Variants in DUSP22 observed in about 807,000 individuals in gnomAD.
DUSP22 encodes dual specificity protein phosphatase 22.
A neutral mutation model predicts 24.5 loss-of-function variants in DUSP22; 24 were observed. The observed-to-expected ratio is 0.98, with a 90% CI of 0.71 to 1.38. The LOEUF is 1.38. DUSP22 is among the 40% of genes most tolerant of loss of function. DUSP22 has a pLI of 0.00. For synonymous variants in DUSP22, 160 were observed against 106.4 expected (o/e 1.50, Z -3.10); for missense variants, 330 against 269.2 (o/e 1.23, Z -1.58).
At chr6:330,178 A>G (rs1356727657) in intron 3 of DUSP22, among the ~76,000 whole-genome samples, 3 of 152,302 alleles carry the variant, frequency 2.0e-5, no homozygotes, top group Non-Finnish European at 4.4e-5. Context: ...ACAGGCTGAG[A>G]TGAGAAACCG....
chr6:326,792 A>C (rs1265586754), intron 3 of DUSP22, among the ~76,000 whole-genome samples: 13 of 152,300 alleles, frequency 8.5e-5, no homozygotes, highest in Admixed American at 7.2e-4. Context: ...CCCTCTCTGC[A>C]TCAGAGCAAA....
chr6:349,883 CCCT>C lies in DUSP22; in HGVS notation c.*937_*939del. The C allele has an allele frequency of 1.0e-6, 1 of 986,046 alleles. No individual in the cohort carries two copies. The highest frequency in any genetic ancestry group is 1.2e-6 in the Non-Finnish European group (1 of 830,370). The allele number at this position is 986,046 out of a possible 1,614,324, so 61.1% of individuals were successfully genotyped here. A position where few individuals can be genotyped will look rare whatever the true frequency, so the allele number is the denominator to read the frequency against. ...CCTAAGTTGGGTGCCCCAGGGCACC[CCCT>C]CCTCTCTGCTCCTTGCCAGCTTCAT... On this transcript the variant is annotated 3_prime_UTR_variant, in exon 7 of 7. Coordinates refer to ENST00000419235, the MANE Select transcript of DUSP22 (RefSeq NM_001286555.3).
At chr6:327,178 G>T (rs1310276337) in intron 3 of DUSP22, among the ~76,000 whole-genome samples, 1 of 152,308 alleles carries the variant, frequency 6.6e-6, no homozygotes, top group African/African-American at 2.4e-5. Flanking sequence ...GCTTCCAGGA[G>T]CCCAGCCAGG....
At chr6:323,889 A>G (rs1160589177) in intron 3 of DUSP22, among the ~76,000 whole-genome samples, 13 of 152,310 alleles carry the variant, frequency 8.5e-5, no homozygotes, top group Admixed American at 3.9e-4. Flanking sequence ...CGCAGCACCC[A>G]AGTGGAAGCA....
chr6:297,328 A>G (rs1757380705), intron 1 of DUSP22, among the ~76,000 whole-genome samples: 1 of 152,308 alleles, frequency 6.6e-6, no homozygotes. Context: ...ACATTTTTCC[A>G]AACTGTGAAG....
intron 3 of DUSP22, among the ~76,000 whole-genome samples, chr6:317,856 A>T (rs980651736): frequency 1.3e-5 from 2 of 152,286 alleles, no homozygotes; most frequent in African/African-American, 4.8e-5. Flanking sequence ...GTGAGAAATC[A>T]TGTCTTATCA....
chr6:345,794 C>A, intron 4 of DUSP22, 60 bp from the exon 5 acceptor site: 1 of 1,575,874 alleles, frequency 6.3e-7, no homozygotes, highest in East Asian at 2.3e-5. Flanking sequence ...GTAGAATTTT[C>A]TTTTCATCAT....
At chr6:338,918 G>A (rs112356547) in intron 4 of DUSP22, among the ~76,000 whole-genome samples, 395 of 152,268 alleles carry the variant, frequency 2.6e-3, no homozygotes, top group African/African-American at 9.2e-3. Flanking sequence ...GGAAAGGTCA[G>A]TTTTCTGTCT....
At chr6:310,876 A>G (rs1758054423) in intron 2 of DUSP22, among the ~76,000 whole-genome samples, 2 of 152,310 alleles carry the variant, frequency 1.3e-5, no homozygotes, top group Admixed American at 6.5e-5. Context: ...TCATGATTAC[A>G]ATGTTTATTA....
intron 3 of DUSP22, among the ~76,000 whole-genome samples, chr6:321,832 G>A (rs1419021531): frequency 6.6e-6 from 1 of 152,302 alleles, no homozygotes; most frequent in African/African-American, 2.4e-5. Context: ...TGGGGAGTCA[G>A]GGATGCCTGA....
Position 349,894 on chromosome 6 carries a change from G to T in DUSP22, c.*943G>T, listed in dbSNP as rs1760110015. The T allele has an allele frequency of 1.1e-5, 11 of 985,976 alleles. No homozygotes were observed. In the South Asian group the frequency reaches 3.3e-4, roughly 29 times the overall value. The allele number at this position is 985,976 out of a possible 1,614,324, so 61.1% of individuals were successfully genotyped here. Reference sequence around the variant, plus strand: ...TGCCCCAGGGCACCCCCTCCTCTCTGCTCCTTGCCAGCTTCATTCACTCCC... The same window carrying T: ...TGCCCCAGGGCACCCCCTCCTCTCTTCTCCTTGCCAGCTTCATTCACTCCC... On this transcript the variant is annotated 3_prime_UTR_variant, in exon 7 of 7. Transcript: ENST00000419235.
At chr6:316,498 T>G (rs1375869750) in intron 3 of DUSP22, among the ~76,000 whole-genome samples, 7 of 152,306 alleles carry the variant, frequency 4.6e-5, no homozygotes, top group East Asian at 1.9e-4. Flanking sequence ...AGCGGTGTCT[T>G]CAGCGTCTAC....
intron 3 of DUSP22, among the ~76,000 whole-genome samples, chr6:320,597 C>T (rs1198725737): frequency 1.3e-5 from 2 of 152,308 alleles, no homozygotes; most frequent in Admixed American, 6.5e-5. Context: ...GGCATGGGCT[C>T]TGCCAGTCCA....
At chr6:337,550 G>A (rs1472796720) in intron 4 of DUSP22, among the ~76,000 whole-genome samples, 1 of 152,304 alleles carries the variant, frequency 6.6e-6, no homozygotes, top group East Asian at 1.9e-4. Context: ...GGTCTCGTGG[G>A]TCAGTTCAGA....
chr6:331,818 G>T (rs901616689), intron 3 of DUSP22, among the ~76,000 whole-genome samples: 1 of 152,302 alleles, frequency 6.6e-6, no homozygotes, highest in Non-Finnish European at 1.5e-5. Context: ...CTTAGGTGGC[G>T]AGCAGCTGAA....
chr6:349,642 C>T lies in DUSP22; in HGVS notation c.*691C>T. 1.0e-6 allele frequency: 1 copy of T among 986,822 alleles called. No individual in the cohort carries two copies. Among genetic ancestry groups the T allele is most frequent in the Non-Finnish European group, 1.2e-6 (1 of 831,010 alleles). 61.1% of individuals were successfully genotyped at this position (986,822 alleles called of 1,614,324 possible). A position where few individuals can be genotyped will look rare whatever the true frequency, so the allele number is the denominator to read the frequency against. On this transcript the variant is annotated 3_prime_UTR_variant, in exon 7 of 7. Transcript: ENST00000419235. ...GCCCTGGAAAACGTGAGAGACTGCC[C>T]TGAGCTGGTCCAGTGGGCCAGCACT...
At chr6:330,229 C>T (rs894607869) in intron 3 of DUSP22, among the ~76,000 whole-genome samples, 4 of 152,302 alleles carry the variant, frequency 2.6e-5, no homozygotes, top group Non-Finnish European at 4.4e-5. Context: ...GCCAAAATGA[C>T]GTTTCCATTG....
intron 2 of DUSP22, among the ~76,000 whole-genome samples, chr6:306,879 G>A (rs1386578482): frequency 2.6e-5 from 4 of 152,288 alleles, no homozygotes; most frequent in Non-Finnish European, 5.9e-5. Context: ...GGTGTAGACT[G>A]GGAAGATGGA....
intron 5 of DUSP22, 99 bp downstream of exon 5, chr6:346,027 A>C (rs1412816212): frequency 2.3e-5 from 34 of 1,462,660 alleles, no homozygotes; most frequent in South Asian, 4.6e-5. Flanking sequence ...TTCACCTCCT[A>C]ATAGTTTTCT....
Sources: allele counts gnomAD v4.1 joint callset (sites outside exome capture counted in the v4.1 genomes callset), GRCh38; gene constraint gnomAD v4.1.1; transcripts MANE v1.5; gene names NCBI Gene and HGNC (gene_info 2026-07-23, HGNC 2026-07-21).